The following TSPAN11 variants were observed in gnomAD, a reference collection of about 807,000 sequenced individuals.
The protein encoded by TSPAN11 is tetraspanin-11.
In TSPAN11, 29 loss-of-function variants were observed where a neutral mutation model predicts 32.9. The ratio of observed to expected loss-of-function variants is 0.88; its 90% confidence interval spans 0.66 to 1.20. TSPAN11 has a LOEUF of 1.20. Among genes scored for constraint, TSPAN11 ranks in the 50% most tolerant of loss-of-function variants. TSPAN11 has a pLI of 0.00. For synonymous variants in TSPAN11, 140 were observed against 141.3 expected, an observed-to-expected ratio of 0.99 and a Z score of 0.07; for missense variants, 283 against 329.1, an observed-to-expected ratio of 0.86 and a Z score of 1.08.
chr12:30,938,772 T>A (rs1193437111), intron 1 of TSPAN11, among the ~76,000 whole-genome samples: 2 of 152,118 alleles, frequency 1.3e-5, no homozygotes, highest in African/African-American at 4.8e-5. Context: ...ATCTCAGTGC[T>A]CCAAGGACCA....
rs1379365675 is a variant in TSPAN11, at chr12:30,957,861, T to TTCCTTCCTTCCTTCCTTCCC, written c.84+3789_84+3790insTTCCTTCCTTCCTTCCCTCC. On this transcript the variant is annotated intron_variant, in intron 2 of 7. Transcript: ENST00000546076. ...CCTCCTTCCTTCCTTCCTTCCTTCC[T>TTCCTTCCTTCCTTCCTTCCC]TCCCTCCCTCCCTCCCTCCTTCCTT... 2.6e-4 allele frequency among the ~76,000 whole-genome samples: 8 copies of TTCCTTCCTTCCTTCCTTCCC among 30,522 alleles called. 1 individual carries two copies. The highest frequency in any genetic ancestry group is 1.2e-3 in the African/African-American group (8 of 6,884). 20.0% of individuals were successfully genotyped at this position (30,522 alleles called of 152,430 possible). A position where few individuals can be genotyped will look rare whatever the true frequency, so the allele number is the denominator to read the frequency against.
Position 30,974,228 on chromosome 12 carries a change from C to T in TSPAN11, c.277-4333C>T, listed in dbSNP as rs76573104. On this transcript the variant is annotated intron_variant, in intron 3 of 7. Transcript: ENST00000546076. ...CTCCCACAGTGCATAGGGACACATACGCAAATCAAGTCCCAGCATCAGCCT... is the reference window on the plus strand; with the variant it reads ...CTCCCACAGTGCATAGGGACACATATGCAAATCAAGTCCCAGCATCAGCCT... Among the ~76,000 whole-genome samples the T allele has an allele frequency of 6.3e-3, 963 of 152,324 alleles. 14 individuals are homozygous for T. The highest frequency in any genetic ancestry group is 0.062 in the East Asian group (324 of 5,186).
chr12:30,999,311 A>G (rs4931406), downstream of TSPAN11: 2 of 151,738 alleles, frequency 1.3e-5, no homozygotes, highest in African/African-American at 4.9e-5. Flanking sequence ...GACCCTGTCA[A>G]CCAAAAGAAA....
chr12:30,961,620 G>T (rs75005137), intron 2 of TSPAN11, among the ~76,000 whole-genome samples: 1,997 of 152,080 alleles, frequency 0.013, 77 homozygotes, highest in African/African-American at 0.044. Flanking sequence ...TTACAGCTAA[G>T]CCTAAGGACT....
intron 6 of TSPAN11, 133 bp from the exon 7 acceptor site, chr12:30,982,931 G>A: frequency 2.7e-6 from 3 of 1,123,158 alleles, no homozygotes; most frequent in Non-Finnish European, 3.9e-6. Context: ...TAGCCTGTGA[G>A]CAATTCAAGG....
the TSPAN11 span, among the ~76,000 whole-genome samples, chr12:31,004,303 A>G: frequency 6.6e-6 from 1 of 151,758 alleles, no homozygotes. Flanking sequence ...GCATGCCATG[A>G]CTCCAGCTCT....
intron 2 of TSPAN11, among the ~76,000 whole-genome samples, chr12:30,956,489 G>A (rs1938479999): frequency 6.6e-6 from 1 of 152,016 alleles, no homozygotes; most frequent in African/African-American, 2.4e-5. Flanking sequence ...CCACCTGAAC[G>A]AGGGCAGACT....
chr12:30,926,835 GGGA>G, intron 1 of TSPAN11, 39 bp downstream of exon 1: 4 of 848,852 alleles, frequency 4.7e-6, no homozygotes, highest in Non-Finnish European at 6.3e-6. Context: ...GGGGCGCCGC[GGGA>G]GGGGGCTGGG....
At chr12:30,934,755 A>T (rs1295017369) in intron 1 of TSPAN11, among the ~76,000 whole-genome samples, 2 of 152,054 alleles carry the variant, frequency 1.3e-5, no homozygotes, top group Non-Finnish European at 2.9e-5. Context: ...AAAACATTAG[A>T]CACCCCTGCT....
At chr12:30,965,964 A>G (rs539201506) in intron 3 of TSPAN11, among the ~76,000 whole-genome samples, 30 of 152,156 alleles carry the variant, frequency 2.0e-4, no homozygotes, top group African/African-American at 6.5e-4. Flanking sequence ...ACAGCTTTGA[A>G]TGCGGCCCAA....
At chr12:31,016,451 A>G in the TSPAN11 span, among the ~76,000 whole-genome samples, 1 of 152,070 alleles carries the variant, frequency 6.6e-6, no homozygotes, top group Non-Finnish European at 1.5e-5. Flanking sequence ...AAAAGCTGGT[A>G]GAAAGAAAAG....
chr12:30,986,223 C>CA (rs1939198314), intron 7 of TSPAN11, among the ~76,000 whole-genome samples: 1 of 152,200 alleles, frequency 6.6e-6, no homozygotes, highest in East Asian at 1.9e-4. Context: ...TAATGTTCCC[C>CA]AGCCCCCAGC....
At chr12:30,982,454 T>C in intron 5 of TSPAN11, 78 bp from the exon 6 acceptor site, 1 of 1,524,948 alleles carries the variant, frequency 6.6e-7, no homozygotes, top group East Asian at 2.3e-5. Flanking sequence ...TGGGTTAGTA[T>C]TTGAATAATG....
intron 1 of TSPAN11, among the ~76,000 whole-genome samples, chr12:30,935,698 T>G (rs1252880329): frequency 6.6e-6 from 1 of 152,220 alleles, no homozygotes; most frequent in Non-Finnish European, 1.5e-5. Flanking sequence ...TGACCCATTG[T>G]GTGAAAATTA....
At chr12:31,011,455 C>T in the TSPAN11 span, among the ~76,000 whole-genome samples, 1 of 152,196 alleles carries the variant, frequency 6.6e-6, no homozygotes, top group Non-Finnish European at 1.5e-5. Flanking sequence ...AATGAGGCCA[C>T]ATTTAACCAC....
chr12:30,927,035 C>T (rs1937812216), intron 1 of TSPAN11: 4 of 1,284,024 alleles, frequency 3.1e-6, no homozygotes, highest in African/African-American at 1.5e-5. Context: ...ACACGCAACA[C>T]GGTGTCCATA....
In TSPAN11 at chr12:30,992,096, A is replaced by G. The variant is rs1939326037; in HGVS notation, c.*181A>G. The G allele has an allele frequency of 6.1e-6, 4 of 655,204 alleles. No homozygotes were observed. Among genetic ancestry groups the G allele is most frequent in the Middle Eastern group, 3.2e-4 (1 of 3,166 alleles). The allele number at this position is 655,204 out of a possible 1,614,324, so 40.6% of individuals were successfully genotyped here. A position where few individuals can be genotyped will look rare whatever the true frequency, so the allele number is the denominator to read the frequency against. Reference sequence around the variant, plus strand: ...AGCTTCTGTGCCCACCCAGGCAGAGACCCTCGGCCCCCTCTCCTCCATTTC... The same window carrying G: ...AGCTTCTGTGCCCACCCAGGCAGAGGCCCTCGGCCCCCTCTCCTCCATTTC... On this transcript the variant is annotated 3_prime_UTR_variant, in exon 8 of 8. Coordinates refer to ENST00000546076, the MANE Select transcript of TSPAN11 (RefSeq NM_001370302.1).
chr12:30,984,329 C>T (rs144697217), intron 7 of TSPAN11, among the ~76,000 whole-genome samples: 1 of 152,326 alleles, frequency 6.6e-6, no homozygotes, highest in East Asian at 1.9e-4. Context: ...ACTTCTTCAT[C>T]TGCAAAATGT....
At chr12:30,963,364 C>A (rs1042538747) in intron 2 of TSPAN11, among the ~76,000 whole-genome samples, 1 of 152,206 alleles carries the variant, frequency 6.6e-6, no homozygotes, top group Non-Finnish European at 1.5e-5. Flanking sequence ...AATGGGCAAA[C>A]ATAAGGATTA....
Sources: gnomAD v4.1 joint callset for allele counts (sites outside exome capture counted in the v4.1 genomes callset) on GRCh38, gnomAD v4.1.1 for gene constraint, MANE v1.5 for transcripts, NCBI Gene and HGNC (gene_info 2026-07-23, HGNC 2026-07-21) for gene names.